GPR160: variants seen among roughly 807,000 people sequenced by gnomAD.
GPR160 encodes G protein-coupled receptor 160, also known as probable G protein-coupled receptor 160.
A neutral mutation model predicts 2.6 loss-of-function variants in GPR160; 2 were observed. That is an observed-to-expected ratio of 0.77 (90% confidence interval 0.32 to 2.44). GPR160 has a LOEUF of 2.44. Among genes scored for constraint, GPR160 ranks in the 30% most tolerant of loss-of-function variants. The probability of loss-of-function intolerance (pLI) is 0.11; values close to 1 mark genes in which losing one functional copy is unlikely to be tolerated. For synonymous variants in GPR160, 130 were observed against 132.2 expected (o/e 0.98, Z 0.12); for missense variants, 351 against 383.6 (o/e 0.91, Z 0.71).
At chr3:170,058,144 TAAGTC>T (rs1423600073) in intron 2 of GPR160, 8 of 152,166 alleles carry the variant, frequency 5.3e-5, no homozygotes, top group African/African-American at 1.9e-4. Context: ...AGTTTTGTAT[TAAGTC>T]AAGTGGGCTA....
intron 2 of GPR160, 61 bp from the exon 3 acceptor site, chr3:170,079,713 G>A (rs1287302871): frequency 6.6e-6 from 1 of 152,148 alleles, no homozygotes; most frequent in Non-Finnish European, 1.5e-5. Context: ...AGTTTAACTG[G>A]ACTCTTGCTA....
At chr3:170,044,534 C>A (rs1716616395) in intron 2 of GPR160, among the ~76,000 whole-genome samples, 1 of 152,094 alleles carries the variant, frequency 6.6e-6, no homozygotes, top group South Asian at 2.1e-4. Flanking sequence ...GGGCAGGCCT[C>A]AGTAGGGAAA....
intron 2 of GPR160, among the ~76,000 whole-genome samples, chr3:170,065,288 C>T (rs1173438118): frequency 6.6e-6 from 1 of 152,022 alleles, no homozygotes; most frequent in Non-Finnish European, 1.5e-5. Context: ...ATCGCTAATT[C>T]AACCACAGAC....
intron 2 of GPR160, among the ~76,000 whole-genome samples, chr3:170,064,523 T>C (rs1242353295): frequency 4.3e-5 from 6 of 138,384 alleles, no homozygotes; most frequent in African/African-American, 1.4e-4. Flanking sequence ...TCTTTTTTTT[T>C]TTTTTTTTTT....
At position 170,084,697 on chromosome 3, in the gene GPR160, C is replaced by A. The variant is rs544108325; in HGVS notation, c.725C>A (p.Ser242Tyr). The A allele has an allele frequency of 5.0e-6, 8 of 1,612,144 alleles. 1 individual carries two copies. Among genetic ancestry groups the A allele is most frequent in the Non-Finnish European group, 6.8e-6 (8 of 1,178,736 alleles). Residue 242 changes from serine (S) to tyrosine (Y), a missense_variant, in exon 4 of 4, where the codon TCC (serine) becomes TAC (tyrosine). Coordinates refer to ENST00000355897, the MANE Select transcript of GPR160 (RefSeq NM_014373.3). ...YTVRSKKIFL[S>Y]KLIVCFLSTW... ...GTGAGATCTAAAAAAATATTCTTAT[C>A]CAAGCTCATTGTCTGTTTTCTCAGT...
At chr3:170,082,294 T>C (rs1427139678) in intron 3 of GPR160, among the ~76,000 whole-genome samples, 1 of 152,178 alleles carries the variant, frequency 6.6e-6, no homozygotes, top group African/African-American at 2.4e-5. Flanking sequence ...ATGTACCAAA[T>C]TCACAAGGCT....
chr3:170,071,943 A>C (rs1712617492), intron 2 of GPR160, among the ~76,000 whole-genome samples: 1 of 151,816 alleles, frequency 6.6e-6, no homozygotes. Context: ...TTTGTTGCTG[A>C]GAAGTATTCC....
At position 170,085,203 on chromosome 3, in the gene GPR160, A is replaced by G. The variant is rs1713371600; in HGVS notation, c.*214A>G. 2 of 352,748 alleles carry G rather than the reference A, an allele frequency of 5.7e-6. No individual in the cohort carries two copies. Among genetic ancestry groups the G allele is most frequent in the African/African-American group, 2.1e-5 (1 of 47,070 alleles). 21.9% of individuals were successfully genotyped at this position (352,748 alleles called of 1,614,324 possible). ...TTCCAAGAAGTTTTTATAGTTATTC[A>G]GGGACACTATATTACAAATATTACT... On this transcript the variant is annotated 3_prime_UTR_variant, in exon 4 of 4. Transcript: ENST00000355897.
intron 2 of GPR160, among the ~76,000 whole-genome samples, chr3:170,065,753 A>G (rs1020829898): frequency 6.6e-6 from 1 of 152,206 alleles, no homozygotes; most frequent in African/African-American, 2.4e-5. Context: ...TGAGAATTGT[A>G]CCAATTTGTA....
At chr3:170,051,157 G>T (rs1235291485) in intron 2 of GPR160, among the ~76,000 whole-genome samples, 1 of 152,008 alleles carries the variant, frequency 6.6e-6, no homozygotes, top group Non-Finnish European at 1.5e-5. Context: ...TATTCCAAAG[G>T]GTATATAATG....
Position 170,062,833 on chromosome 3 carries a change from AAAG to A in GPR160, c.-192-16937_-192-16935del, listed in dbSNP as rs566366624. On this transcript the variant is annotated intron_variant, in intron 2 of 3. Transcript: ENST00000355897. ...GATGAATTGGTTGAAAGCGGAAAGG[AAAG>A]AAGGAGTGAAGACTGACCTCATCAA... 3,364 of 563,422 alleles carry A rather than the reference AAAG, an allele frequency of 6.0e-3. 44 individuals are homozygous for A. Among genetic ancestry groups the A allele is most frequent in the South Asian group, 0.029 (1,548 of 54,266 alleles). 34.9% of individuals were successfully genotyped at this position (563,422 alleles called of 1,614,324 possible). A position where few individuals can be genotyped will look rare whatever the true frequency, so the allele number is the denominator to read the frequency against.
At chr3:170,045,255 C>G (rs1474764011) in intron 2 of GPR160, among the ~76,000 whole-genome samples, 2 of 151,694 alleles carry the variant, frequency 1.3e-5, no homozygotes, top group Non-Finnish European at 2.9e-5. Context: ...AGTGGAACAG[C>G]TTGTTTTGGC....
At chr3:170,058,368 C>T (rs1245031774) in intron 2 of GPR160, among the ~76,000 whole-genome samples, 1 of 152,122 alleles carries the variant, frequency 6.6e-6, no homozygotes, top group African/African-American at 2.4e-5. Context: ...AAATGGTCTT[C>T]CTCATGTCTG....
chr3:170,058,567 A>C (rs1362700439), intron 2 of GPR160, among the ~76,000 whole-genome samples: 1 of 152,268 alleles, frequency 6.6e-6, no homozygotes, highest in African/African-American at 2.4e-5. Flanking sequence ...ATTATCTTCA[A>C]CTTAGAATTC....
intron 2 of GPR160, among the ~76,000 whole-genome samples, chr3:170,069,055 A>G (rs1027833817): frequency 6.6e-6 from 1 of 152,172 alleles, no homozygotes; most frequent in Admixed American, 6.5e-5. Flanking sequence ...AACTTCCGCT[A>G]TATGTATTTT....
chr3:170,078,901 C>T (rs1223667437), intron 2 of GPR160, among the ~76,000 whole-genome samples: 1 of 152,002 alleles, frequency 6.6e-6, no homozygotes. Flanking sequence ...CCGGAAGGCT[C>T]TACATAGCTT....
Position 170,073,881 on chromosome 3 carries a change from A to ATTT in GPR160, c.-192-5870_-192-5868dup, listed in dbSNP as rs35575462. On this transcript the variant is annotated intron_variant, in intron 2 of 3. Transcript: ENST00000355897. ...TACAGAATCAGTTTCTTTAATAGGG[A>ATTT]TTTTTTTTTTTTTTTTTTTTTTTTT... Among the ~76,000 whole-genome samples, 150 of 81,870 alleles carry ATTT rather than the reference A, an allele frequency of 1.8e-3. 2 individuals carry two copies. The highest frequency in any genetic ancestry group is 2.0e-3 in the African/African-American group (43 of 21,062). 53.7% of individuals were successfully genotyped at this position (81,870 alleles called of 152,430 possible).
At chr3:170,059,775 T>C (rs6789982) in intron 2 of GPR160, among the ~76,000 whole-genome samples, 72,579 of 151,670 alleles carry the variant, frequency 0.48, 17,859 homozygotes, top group East Asian at 0.76. Flanking sequence ...CTGTACAGAT[T>C]ATCCCATCAC....
intron 2 of GPR160, among the ~76,000 whole-genome samples, chr3:170,047,260 C>A (rs1230026166): frequency 2.6e-5 from 4 of 152,152 alleles, no homozygotes; most frequent in East Asian, 3.8e-4. Flanking sequence ...CCGCATCCCC[C>A]CAAGCCTGCA....
Sources: allele counts gnomAD v4.1 joint callset (sites outside exome capture counted in the v4.1 genomes callset), GRCh38; gene constraint gnomAD v4.1.1; transcripts MANE v1.5; gene names NCBI Gene and HGNC (gene_info 2026-07-23, HGNC 2026-07-21).